Variants in GRB14 observed in about 807,000 individuals in gnomAD.
The protein encoded by GRB14 is growth factor receptor-bound protein 14.
Under a neutral mutation model 69.1 loss-of-function variants are expected in GRB14, and 38 were observed. That is an observed-to-expected ratio of 0.55 (90% CI 0.42 to 0.72). GRB14 has a LOEUF of 0.72. Among genes scored for constraint, GRB14 ranks in the 30% least tolerant of loss-of-function variants. GRB14 has a pLI of 0.00. For synonymous variants in GRB14, 247 were observed against 241.3 expected (o/e 1.02, Z -0.22); for missense variants, 666 against 666.1 (o/e 1.00, Z 0.00).
rs1299688056 is a variant in GRB14 at position 164,529,756 on chromosome 2, AC to A, written c.482-2622del. 2.6e-5 allele frequency among the ~76,000 whole-genome samples: 4 copies of A among 152,092 alleles called. No homozygotes were observed. The East Asian group carries it at 7.7e-4, about 29-fold the overall frequency. On this transcript the variant is annotated intron_variant, in intron 3 of 13. Transcript: ENST00000263915. ...TCTACTTTCTCATTCTTCTAATCCA[AC>A]GTGGACACCGATAGCATAGCAAACC...
intron 2 of GRB14, among the ~76,000 whole-genome samples, chr2:164,610,051 G>A (rs1248107293): frequency 1.3e-5 from 2 of 152,184 alleles, no homozygotes; most frequent in Admixed American, 1.3e-4. Flanking sequence ...ACCAAGAGGA[G>A]CTTACTGGGA....
At chr2:164,602,156 G>GGAAGGGAAGA (rs1217295744) in intron 2 of GRB14, among the ~76,000 whole-genome samples, 18 of 151,324 alleles carry the variant, frequency 1.2e-4, no homozygotes, top group Middle Eastern at 3.4e-3. Flanking sequence ...AGGAAAGGAG[G>GGAAGGGAAGA]GAAGGGAAGA....
At chr2:164,592,962 T>C (rs1480364040) in intron 2 of GRB14, among the ~76,000 whole-genome samples, 1 of 152,240 alleles carries the variant, frequency 6.6e-6, no homozygotes. Flanking sequence ...TTAATCAACA[T>C]GTAGTTGCAA....
At position 164,526,076 on chromosome 2, in the gene GRB14, G is replaced by T. The variant is rs1161410816; in HGVS notation, c.603+938C>A. Among the ~76,000 whole-genome samples, 4 of 152,094 alleles carry T rather than the reference G, an allele frequency of 2.6e-5. No individual in the cohort carries two copies. The East Asian group carries it at 7.7e-4, about 29-fold the overall frequency. On this transcript the variant is annotated intron_variant, in intron 4 of 13. Coordinates refer to ENST00000263915, the MANE Select transcript of GRB14 (RefSeq NM_004490.3). ...CTTTAATAAGGACTCACAACAAAAAGAAACACTTTCTCTTCACAGTTGAAT... is the reference window on the plus strand; with the variant it reads ...CTTTAATAAGGACTCACAACAAAAATAAACACTTTCTCTTCACAGTTGAAT...
At chr2:164,538,056 C>T (rs1688126078) in intron 3 of GRB14, among the ~76,000 whole-genome samples, 2 of 152,050 alleles carry the variant, frequency 1.3e-5, no homozygotes, top group Non-Finnish European at 2.9e-5. Flanking sequence ...TGAACCATTC[C>T]CTCACTGTCA....
chr2:164,531,858 C>A (rs1459720429), intron 3 of GRB14, among the ~76,000 whole-genome samples: 1 of 152,120 alleles, frequency 6.6e-6, no homozygotes, highest in African/African-American at 2.4e-5. Flanking sequence ...AAAGTCTATA[C>A]CCTGCCCTTA....
At chr2:164,573,837 C>A in intron 2 of GRB14, 5 of 1,612,784 alleles carry the variant, frequency 3.1e-6, no homozygotes, top group Non-Finnish European at 4.2e-6. Flanking sequence ...CCAGAAGAAG[C>A]TGAAAGGTGG....
At chr2:164,574,127 A>T in intron 2 of GRB14, 6 of 675,252 alleles carry the variant, frequency 8.9e-6, no homozygotes. Flanking sequence ...TCACTTCCTT[A>T]AGTAAATGAC....
intron 6 of GRB14, among the ~76,000 whole-genome samples, chr2:164,512,348 G>A (rs1687361091): frequency 2.0e-5 from 3 of 152,094 alleles, no homozygotes; most frequent in African/African-American, 7.2e-5. Context: ...TGTATTTTTA[G>A]TAGAGAAGGG....
chr2:164,496,359 A>G (rs1686893066), intron 12 of GRB14, among the ~76,000 whole-genome samples: 1 of 152,224 alleles, frequency 6.6e-6, no homozygotes, highest in South Asian at 2.1e-4. Context: ...GAGTAATTTG[A>G]GAAAAATAAA....
intron 2 of GRB14, among the ~76,000 whole-genome samples, chr2:164,549,261 T>A (rs900034377): frequency 6.6e-6 from 1 of 152,204 alleles, no homozygotes; most frequent in Non-Finnish European, 1.5e-5. Context: ...TATTAACCCT[T>A]ATAATTACAT....
chr2:164,503,051 T>C (rs2105261092), intron 8 of GRB14, among the ~76,000 whole-genome samples: 1 of 151,708 alleles, frequency 6.6e-6, no homozygotes, highest in South Asian at 2.1e-4. Flanking sequence ...GTCTGGATTA[T>C]AACTGGATTA....
At chr2:164,538,300 C>T (rs190865181) in intron 3 of GRB14, among the ~76,000 whole-genome samples, 1 of 152,278 alleles carries the variant, frequency 6.6e-6, no homozygotes. Flanking sequence ...CTGCTTCATA[C>T]CATGGCTTCA....
chr2:164,508,868 A>G lies in GRB14; in HGVS notation c.817-16T>C, dbSNP rs529706012. ...GCCGCGGTTCCTTAAAAAAAAAAGT[A>G]TTGACATGGATACATATTTTTGCAT... On this transcript the variant is annotated splice_polypyrimidine_tract_variant and intron_variant, in intron 6 of 13. Coordinates refer to ENST00000263915, the MANE Select transcript of GRB14 (RefSeq NM_004490.3). 83 of 1,475,794 alleles carry G rather than the reference A, an allele frequency of 5.6e-5. No homozygotes were observed. The East Asian group carries it at 1.7e-3, about 31-fold the overall frequency. The allele number at this position is 1,475,794 out of a possible 1,614,324, so 91.4% of individuals were successfully genotyped here.
At chr2:164,523,046 G>A (rs1390306322) in intron 5 of GRB14, among the ~76,000 whole-genome samples, 1 of 152,062 alleles carries the variant, frequency 6.6e-6, no homozygotes, top group Non-Finnish European at 1.5e-5. Context: ...GACACCATGA[G>A]ACAGACAGAG....
chr2:164,554,270 T>C (rs1241653404), intron 2 of GRB14, among the ~76,000 whole-genome samples: 1 of 152,128 alleles, frequency 6.6e-6, no homozygotes, highest in Admixed American at 6.5e-5. Context: ...TAAAGGGATA[T>C]TATACATTTC....
At chr2:164,612,936 T>G (rs557910253) in intron 2 of GRB14, among the ~76,000 whole-genome samples, 1 of 152,278 alleles carries the variant, frequency 6.6e-6, no homozygotes, top group Admixed American at 6.5e-5. Context: ...CTAGGGGATT[T>G]AAGTTTTAAA....
chr2:164,589,389 A>G (rs1157507363), intron 2 of GRB14, among the ~76,000 whole-genome samples: 1 of 152,144 alleles, frequency 6.6e-6, no homozygotes, highest in Non-Finnish European at 1.5e-5. Flanking sequence ...GGAATACCCA[A>G]GACTGAGTAA....
At chr2:164,516,121 C>G (rs1200075852) in intron 6 of GRB14, among the ~76,000 whole-genome samples, 1 of 151,986 alleles carries the variant, frequency 6.6e-6, no homozygotes, top group Non-Finnish European at 1.5e-5. Context: ...GAAAAGAAAT[C>G]TGAAAGTTTG....
Sources: gnomAD v4.1 joint callset for allele counts (sites outside exome capture counted in the v4.1 genomes callset) on GRCh38, gnomAD v4.1.1 for gene constraint, MANE v1.5 for transcripts, NCBI Gene and HGNC (gene_info 2026-07-23, HGNC 2026-07-21) for gene names.